Variants in NEB observed in about 807,000 individuals in gnomAD.
NEB encodes nemaline myopathy type 2.
Under a neutral mutation model 952.2 loss-of-function variants are expected in NEB, and 512 were observed. The observed-to-expected ratio is 0.54, with a 90% CI of 0.50 to 0.58. The LOEUF is 0.58. Ranked by LOEUF, NEB falls within the 20% of genes least tolerant of loss-of-function variation. The pLI is 0.00. For synonymous variants in NEB, 2,900 were observed against 3,149.8 expected, an observed-to-expected ratio of 0.92 and a Z score of 2.66; for missense variants, 8,428 against 9,231.1, an observed-to-expected ratio of 0.91 and a Z score of 3.56.
intron 124 of NEB, among the ~76,000 whole-genome samples, chr2:151,558,534 A>G (rs1183088662): frequency 6.6e-6 from 1 of 152,014 alleles, no homozygotes; most frequent in African/African-American, 2.4e-5. Context: ...GCATTACGCT[A>G]TCTGACTTCA....
intron 9 of NEB, among the ~76,000 whole-genome samples, chr2:151,722,615 C>T (rs1284558040): frequency 1.3e-5 from 2 of 152,178 alleles, no homozygotes; most frequent in African/African-American, 2.4e-5. Context: ...TTGATCATAG[C>T]TCACTGCAGC....
At position 151,525,162 on chromosome 2, in the gene NEB, C is replaced by G; in HGVS notation, c.22272+1G>C. The G allele has an allele frequency of 6.2e-7, 1 of 1,609,996 alleles. No individual in the cohort carries two copies. Among genetic ancestry groups the G allele is most frequent in the Non-Finnish European group, 8.5e-7 (1 of 1,176,212 alleles). On this transcript the variant is annotated splice_donor_variant, in intron 151 of 181. Transcript: ENST00000397345. LOFTEE classifies it high-confidence loss of function. ...CAAGAGTGTTGAGAGGGAAAACTTA[C>G]ATCACTTTGCTTCTTGGCCACTTCC...
chr2:151,554,367 A>C (rs2095508890), intron 125 of NEB, among the ~76,000 whole-genome samples: 1 of 152,022 alleles, frequency 6.6e-6, no homozygotes, highest in Non-Finnish European at 1.5e-5. Context: ...TTGAGACCAG[A>C]GTGGGCAACA....
At position 151,680,025 on chromosome 2, in the gene NEB, G is replaced by A; in HGVS notation, c.3043-3C>T. On this transcript the variant is annotated splice_polypyrimidine_tract_variant and splice_region_variant and intron_variant, in intron 30 of 181. Coordinates refer to ENST00000397345, the MANE Select transcript of NEB (RefSeq NM_001164508.2). ...TCTCCTTTGGCTTTGTAAGCGATCT[G>A]AAAGAGAAAAAAATGCATAAACAAA... 1 of 1,586,476 alleles carries A rather than the reference G, an allele frequency of 6.3e-7. No homozygotes were observed. The highest frequency in any genetic ancestry group is 8.6e-7 in the Non-Finnish European group (1 of 1,156,338).
chr2:151,663,943 A>G, intron 44 of NEB, 84 bp from the exon 45 acceptor site: 1 of 1,389,794 alleles, frequency 7.2e-7, no homozygotes, highest in Non-Finnish European at 9.9e-7. Context: ...GCTTTGTCTT[A>G]GATGAAGGGT....
In NEB at chr2:151,541,458, G is replaced by A. The variant is rs182866658; in HGVS notation, c.20671C>T (p.Leu6891Phe). 3.0e-4 allele frequency: 486 copies of A among 1,612,032 alleles called. No homozygotes were observed. The highest frequency in any genetic ancestry group is 1.3e-4 in the South Asian group (12 of 90,712). The part of the protein sequence containing the change: ...DLLRAKRGQK[L>F]QSQYLYVELA... ...ACCTCTGAGCTTACCTGACTCTGAA[G>A]CTTCTGCCCTCGCTTGGCTCTTAAA... Residue 6891 changes from leucine to phenylalanine, a missense_variant, in exon 136 of 182, where the codon CTT becomes TTT. By Grantham distance (22) the Leu-to-Phe change is conservative (BLOSUM62 0). Coordinates refer to ENST00000397345, the MANE Select transcript of NEB (RefSeq NM_001164508.2).
intron 177 of NEB, 30 bp downstream of exon 177, chr2:151,492,357 C>A: frequency 6.3e-7 from 1 of 1,587,788 alleles, no homozygotes; most frequent in South Asian, 1.1e-5. Flanking sequence ...TGACAGGCAG[C>A]CAGCCAATCC....
chr2:151,729,371 C>G (rs1244229012), intron 4 of NEB, among the ~76,000 whole-genome samples: 3 of 152,128 alleles, frequency 2.0e-5, no homozygotes, highest in Non-Finnish European at 4.4e-5. Flanking sequence ...AAATATCACA[C>G]AGAAGAAATA....
chr2:151,540,609 G>T, intron 137 of NEB, 88 bp downstream of exon 137: 2 of 1,234,924 alleles, frequency 1.6e-6, no homozygotes, highest in Non-Finnish European at 2.3e-6. Flanking sequence ...TTATAGTAAT[G>T]AGCTCTCTGA....
At position 151,526,902 on chromosome 2, in the gene NEB, G is replaced by C. The variant is rs1420489284; in HGVS notation, c.21945+16C>G. 6.5e-7 allele frequency: 1 copy of C among 1,532,070 alleles called. No individual in the cohort carries two copies. 94.9% of individuals were successfully genotyped at this position (1,532,070 alleles called of 1,614,324 possible). A position where few individuals can be genotyped will look rare whatever the true frequency, so the allele number is the denominator to read the frequency against. On this transcript the variant is annotated intron_variant, in intron 148 of 181. Transcript: ENST00000397345. ...CTGAGTGAGGTTAGGCATCATGGAA[G>C]GAACTAGGTACTTACATCACTTTCT... is the stretch of plus-strand genomic sequence containing the variant.
Position 151,610,105 on chromosome 2 carries a change from C to T in NEB, c.12034G>A (p.Ala4012Thr). Residue 4012 changes from alanine to threonine, a missense_variant, in exon 81 of 182, where the codon GCC (alanine) becomes ACC (threonine). This residue lies in a region of NEB where 337 missense variants were observed against 297.5 expected (regional missense o/e 1.13). Coordinates refer to ENST00000397345, the MANE Select transcript of NEB (RefSeq NM_001164508.2). ...TGGTGGCCTTTCTGTTTCTCATAGG[C>T]TTCCTTGTATTTGTACTAAAATGCC... ...DIASDYKYKEAYEKQKGHHIG... is the reference protein window; with the variant it reads ...DIASDYKYKETYEKQKGHHIG... 2 of 1,610,326 alleles carry T rather than the reference C, an allele frequency of 1.2e-6. No homozygotes were observed. The highest frequency in any genetic ancestry group is 1.7e-6 in the Non-Finnish European group (2 of 1,178,158).
chr2:151,493,690 A>G (rs937579568), intron 175 of NEB, 85 bp downstream of exon 175: 2 of 1,150,966 alleles, frequency 1.7e-6, no homozygotes, highest in Admixed American at 5.3e-5. Flanking sequence ...AAAGTTTTGG[A>G]AAAACTGTAA....
chr2:151,614,354 A>T lies in NEB; in HGVS notation c.11523T>A (p.His3841Gln). 6.2e-7 allele frequency: 1 copy of T among 1,613,892 alleles called. No homozygotes were observed. The highest frequency in any genetic ancestry group is 1.1e-5 in the South Asian group (1 of 91,080). ...GCAGGCAGGTCCATTCATGCAGGGGATGCTTGTAGTCTATGTCGCTTACAA... is the reference window on the plus strand; with the variant it reads ...GCAGGCAGGTCCATTCATGCAGGGGTTGCTTGTAGTCTATGTCGCTTACAA... Reference protein sequence around the residue: ...QILVSDIDYKHPLHEWTCLPD... With the variant: ...QILVSDIDYKQPLHEWTCLPD... Residue 3841 changes from histidine to glutamine, a missense_variant, in exon 77 of 182, where the codon CAT becomes CAA. Coordinates refer to ENST00000397345, the MANE Select transcript of NEB (RefSeq NM_001164508.2).
chr2:151,539,093 G>A (rs145442121), intron 138 of NEB, among the ~76,000 whole-genome samples: 185 of 152,290 alleles, frequency 1.2e-3, no homozygotes, highest in African/African-American at 4.3e-3. Flanking sequence ...GTAAAGATTA[G>A]AGTTATCAGA....
At chr2:151,641,438 C>G (rs186981408) in intron 60 of NEB, among the ~76,000 whole-genome samples, 39 of 152,246 alleles carry the variant, frequency 2.6e-4, no homozygotes, top group Middle Eastern at 6.8e-3. Flanking sequence ...CTGAAGTGAT[C>G]CTCCCACCTC....
intron 81 of NEB, among the ~76,000 whole-genome samples, chr2:151,609,486 G>C (rs1224329756): frequency 1.3e-5 from 2 of 152,094 alleles, no homozygotes; most frequent in Non-Finnish European, 2.9e-5. Context: ...AATTTTTAAA[G>C]GAAAATTTTG....
rs549227905 is a variant in NEB at position 151,643,275 on chromosome 2, T to C, written c.8035A>G (p.Lys2679Glu). ...TCACTCAAAATCTGGGTGGCTCGTT[T>C]ATTTTTCTCATCCTCGAGAGAACCA... Reference protein sequence around the residue: ...TSGSLEDEKNKRATQILSDHV... With the variant: ...TSGSLEDEKNERATQILSDHV... Residue 2679 changes from lysine (K) to glutamate (E), a missense_variant, in exon 58 of 182, where the codon AAA becomes GAA. By Grantham distance (56) the Lys-to-Glu change is moderately conservative (BLOSUM62 1). Coordinates refer to ENST00000397345, the MANE Select transcript of NEB (RefSeq NM_001164508.2). The C allele has an allele frequency of 3.2e-5, 52 of 1,613,948 alleles. No individual in the cohort carries two copies. The South Asian group carries it at 4.9e-4, about 15-fold the overall frequency.
intron 3 of NEB, among the ~76,000 whole-genome samples, chr2:151,731,576 G>A (rs2099809050): frequency 6.6e-6 from 1 of 152,156 alleles, no homozygotes; most frequent in South Asian, 2.1e-4. Context: ...CTGGCAGGCA[G>A]TCTATTCGTT....
intron 153 of NEB, among the ~76,000 whole-genome samples, chr2:151,522,803 G>A (rs1388321207): frequency 2.6e-5 from 4 of 152,114 alleles, no homozygotes; most frequent in East Asian, 1.9e-4. Flanking sequence ...ATGCAGCGCC[G>A]TGCCCTCTCC....
Sources: gnomAD v4.1 joint callset for allele counts (sites outside exome capture counted in the v4.1 genomes callset) on GRCh38, gnomAD v4.1.1 for gene constraint, gnomAD v4.1.1 regional missense constraint, MANE v1.5 for transcripts, NCBI Gene and HGNC (gene_info 2026-07-23, HGNC 2026-07-21) for gene names.